The following TMEM132B variants were observed in gnomAD, a reference collection of about 807,000 sequenced individuals.
TMEM132B encodes transmembrane protein 132B.
Under a neutral mutation model 90.8 loss-of-function variants are expected in TMEM132B, and 18 were observed. The observed-to-expected ratio is 0.20, with a 90% CI of 0.14 to 0.29. The LOEUF (loss-of-function observed/expected upper bound fraction) is 0.29. Among genes scored for constraint, TMEM132B ranks in the 10% least tolerant of loss-of-function variants. The pLI is 1.00. For missense variants in TMEM132B, 1,096 were observed against 1,326.8 expected, an observed-to-expected ratio of 0.83 and a Z score of 2.70; for synonymous variants, 504 against 523.3, an observed-to-expected ratio of 0.96 and a Z score of 0.50.
intron 3 of TMEM132B, among the ~76,000 whole-genome samples, chr12:125,435,618 A>C (rs928436511): frequency 2.0e-5 from 3 of 152,232 alleles, no homozygotes; most frequent in Non-Finnish European, 4.4e-5. Flanking sequence ...TCCTCCATGA[A>C]GTTTATATTC....
chr12:125,631,986 TTA>T (rs1886378058), intron 5 of TMEM132B, among the ~76,000 whole-genome samples: 1 of 152,130 alleles, frequency 6.6e-6, no homozygotes, highest in Admixed American at 6.5e-5. Flanking sequence ...ACATTCACTG[TTA>T]TTATTAAGTA....
intron 5 of TMEM132B, among the ~76,000 whole-genome samples, chr12:125,609,816 CAAAAAAAAAA>C (rs763840695): frequency 4.1e-4 from 16 of 39,434 alleles, no homozygotes; most frequent in Non-Finnish European, 5.7e-4. Context: ...GACTCTGTCT[CAAAAAAAAAA>C]AAAAAAAAAA....
At chr12:125,227,277 G>A (rs1320939559) in intron 1 of TMEM132B, among the ~76,000 whole-genome samples, 1 of 152,176 alleles carries the variant, frequency 6.6e-6, no homozygotes, top group East Asian at 1.9e-4. Context: ...TCTTGTGGCA[G>A]GAAGCACTTC....
At chr12:125,424,447 C>T (rs1173180871) in intron 3 of TMEM132B, among the ~76,000 whole-genome samples, 5 of 152,168 alleles carry the variant, frequency 3.3e-5, no homozygotes, top group East Asian at 1.9e-4. Context: ...TTTGCATCGA[C>T]GTAATTTCTG....
chr12:125,554,577 A>G (rs987018751), intron 4 of TMEM132B, among the ~76,000 whole-genome samples: 1 of 152,014 alleles, frequency 6.6e-6, no homozygotes, highest in Non-Finnish European at 1.5e-5. Context: ...ATCAGCCTCC[A>G]ACATTTTGTT....
chr12:125,402,109 T>C (rs941159763), intron 2 of TMEM132B, among the ~76,000 whole-genome samples: 2 of 152,220 alleles, frequency 1.3e-5, no homozygotes, highest in Non-Finnish European at 2.9e-5. Context: ...TACTCGGCTA[T>C]TGAAACTGCT....
chr12:125,214,894 G>A (rs1057055458), intron 1 of TMEM132B, among the ~76,000 whole-genome samples: 6 of 152,230 alleles, frequency 3.9e-5, no homozygotes, highest in African/African-American at 1.4e-4. Flanking sequence ...TGAGGGCATT[G>A]CTTCCCTGCT....
intron 4 of TMEM132B, among the ~76,000 whole-genome samples, chr12:125,547,768 C>T (rs1479886234): frequency 6.6e-6 from 1 of 152,168 alleles, no homozygotes; most frequent in Non-Finnish European, 1.5e-5. Context: ...CTCAGGAATT[C>T]TCATCCCCAG....
chr12:125,424,007 T>C (rs538752392), intron 3 of TMEM132B, among the ~76,000 whole-genome samples: 93 of 152,326 alleles, frequency 6.1e-4, no homozygotes, highest in Non-Finnish European at 1.1e-3. Context: ...TTTCCAACAA[T>C]TTCAAGATTT....
chr12:125,410,656 GT>G (rs1377751718), intron 2 of TMEM132B, among the ~76,000 whole-genome samples: 1 of 4,402 alleles, frequency 2.3e-4, no homozygotes, highest in Non-Finnish European at 4.0e-4. Flanking sequence ...GTGGAGTGGA[GT>G]GAGTGGAGTG....
At chr12:125,299,143 G>T (rs1875748160) in intron 1 of TMEM132B, among the ~76,000 whole-genome samples, 1 of 152,156 alleles carries the variant, frequency 6.6e-6, no homozygotes, top group Non-Finnish European at 1.5e-5. Context: ...GTGCACCCTG[G>T]CGCTCTGCTG....
rs1455890182 is a variant in TMEM132B, at chr12:125,350,287, G to A, written c.903G>A (p.Thr301=). Residue 301 remains threonine (T), a synonymous_variant, in exon 2 of 9, where the codon ACG becomes ACA. Coordinates refer to ENST00000682704, the MANE Select transcript of TMEM132B (RefSeq NM_001366854.1). ...TGAATCTAGTCCGGGAAGGGGACAC[G>A]GCCACCTTTTTGGTCTCTCTGACCA... ...VPLNLVREGD[T]ATFLVSLTSS... 1.9e-6 allele frequency: 3 copies of A among 1,613,732 alleles called. No homozygotes were observed. Among genetic ancestry groups the A allele is most frequent in the Non-Finnish European group, 2.5e-6 (3 of 1,180,022 alleles).
At position 125,650,765 on chromosome 12, in the gene TMEM132B, C is replaced by T. The variant is rs371149663; in HGVS notation, c.1726C>T (p.Arg576Cys). ...CCTGCAGTACCAGCACGCCACAGTG[C>T]GTGTCCTCACCCAGTTTGTGGCCGA... ...CSLQYQHATV[R>C]VLTQFVAESP... is the part of the protein sequence containing the mutation. The change falls in exon 7 of 9, where the codon CGT becomes TGT. Residue 576 changes from arginine to cysteine, a missense_variant. Physicochemically the swap from Arg to Cys is radical, Grantham distance 180. Coordinates refer to ENST00000682704, the MANE Select transcript of TMEM132B (RefSeq NM_001366854.1). The T allele has an allele frequency of 1.2e-5, 20 of 1,614,118 alleles. No homozygotes were observed. Among genetic ancestry groups the T allele is most frequent in the African/African-American group, 2.7e-5 (2 of 74,946 alleles).
At chr12:125,622,904 GT>G (rs775541214) in intron 5 of TMEM132B, among the ~76,000 whole-genome samples, 11 of 152,100 alleles carry the variant, frequency 7.2e-5, no homozygotes, top group Non-Finnish European at 1.6e-4. Context: ...TTCAAAACAA[GT>G]TTAGAAAACA....
chr12:125,613,413 C>G (rs1332334124), intron 5 of TMEM132B, among the ~76,000 whole-genome samples: 4 of 150,500 alleles, frequency 2.7e-5, no homozygotes, highest in African/African-American at 7.3e-5. Flanking sequence ...TGTTAATCTG[C>G]CTATTTGTTG....
chr12:125,607,238 T>C (rs557849365), intron 5 of TMEM132B, among the ~76,000 whole-genome samples: 4 of 152,306 alleles, frequency 2.6e-5, no homozygotes, highest in African/African-American at 9.6e-5. Context: ...AAAATAAAAA[T>C]TTTAGATGAT....
intron 3 of TMEM132B, among the ~76,000 whole-genome samples, chr12:125,473,344 A>G (rs1881772430): frequency 6.6e-6 from 1 of 151,936 alleles, no homozygotes; most frequent in Non-Finnish European, 1.5e-5. Flanking sequence ...GTCCCACAGC[A>G]TTTGTTCCTA....
intron 1 of TMEM132B, among the ~76,000 whole-genome samples, chr12:125,187,343 C>T (rs548291075): frequency 1.3e-5 from 2 of 152,208 alleles, no homozygotes; most frequent in African/African-American, 4.8e-5. Flanking sequence ...CCGGCGCTGT[C>T]TGGCTTGTCC....
chr12:125,521,673 G>T (rs1366475243), intron 4 of TMEM132B, among the ~76,000 whole-genome samples: 1 of 152,200 alleles, frequency 6.6e-6, no homozygotes, highest in Non-Finnish European at 1.5e-5. Context: ...CACTGCTGCA[G>T]CTAGAATCAC....
Sources: gnomAD v4.1 joint callset for allele counts (sites outside exome capture counted in the v4.1 genomes callset) on GRCh38, gnomAD v4.1.1 for gene constraint, MANE v1.5 for transcripts, NCBI Gene and HGNC (gene_info 2026-07-23, HGNC 2026-07-21) for gene names.